The following KAZN variants were observed in gnomAD, a reference collection of about 807,000 sequenced individuals.
KAZN encodes the protein kazrin.
Under a neutral mutation model 87.4 loss-of-function variants are expected in KAZN, and 40 were observed. That is an observed-to-expected ratio of 0.46 (90% CI 0.36 to 0.60). KAZN has a LOEUF of 0.60. Ranked by LOEUF, KAZN falls within the 20% of genes least tolerant of loss-of-function variation. The pLI is 0.00. For synonymous variants in KAZN, 466 were observed against 458.3 expected (o/e 1.02, Z -0.22); for missense variants, 898 against 1,073.9 (o/e 0.84, Z 2.29).
chr1:13,956,267 G>T (rs1454284342), intron 1 of KAZN, among the ~76,000 whole-genome samples: 2 of 151,230 alleles, frequency 1.3e-5, no homozygotes, highest in African/African-American at 4.9e-5. Context: ...TAATTTTTAG[G>T]GATGTCTGTA....
intron 2 of KAZN, among the ~76,000 whole-genome samples, chr1:14,537,719 T>A (rs1557784838): frequency 6.6e-6 from 1 of 152,310 alleles, no homozygotes; most frequent in East Asian, 1.9e-4. Context: ...GGAAGAGCTG[T>A]TTGGATCTCA....
At chr1:14,684,470 C>T (rs1464317901) in intron 1 of KAZN, among the ~76,000 whole-genome samples, 1 of 152,174 alleles carries the variant, frequency 6.6e-6, no homozygotes, top group African/African-American at 2.4e-5. Flanking sequence ...GCTGCTGTGG[C>T]ACATCACCAC....
intron 8 of KAZN, among the ~76,000 whole-genome samples, chr1:15,070,489 C>A (rs1639457432): frequency 1.3e-5 from 2 of 152,156 alleles, no homozygotes. Flanking sequence ...GTAGTGCAGC[C>A]CCCAACACCT....
At chr1:14,167,586 C>T (rs1052460471) in intron 1 of KAZN, among the ~76,000 whole-genome samples, 1 of 152,054 alleles carries the variant, frequency 6.6e-6, no homozygotes, top group African/African-American at 2.4e-5. Flanking sequence ...AGCCAGGCAT[C>T]GTGGCAGACA....
chr1:14,634,014 A>T (rs181290030), intron 1 of KAZN, among the ~76,000 whole-genome samples: 1 of 152,112 alleles, frequency 6.6e-6, no homozygotes, highest in African/African-American at 2.4e-5. Context: ...TGAGGGTCTC[A>T]ATAGCAGGGT....
chr1:14,750,663 C>T (rs532184487), intron 1 of KAZN, among the ~76,000 whole-genome samples: 18 of 151,880 alleles, frequency 1.2e-4, no homozygotes, highest in African/African-American at 4.1e-4. Flanking sequence ...GCCTGAGGAC[C>T]TGAAAGAACT....
At chr1:14,512,891 C>G (rs947553538) in intron 2 of KAZN, among the ~76,000 whole-genome samples, 3 of 152,234 alleles carry the variant, frequency 2.0e-5, no homozygotes, top group African/African-American at 7.2e-5. Flanking sequence ...GACGATCAGG[C>G]CGGCTCTTCT....
intron 1 of KAZN, among the ~76,000 whole-genome samples, chr1:14,869,197 C>G (rs1281134805): frequency 6.6e-6 from 1 of 152,188 alleles, no homozygotes. Context: ...CCTGTCTTGA[C>G]CCTTCCAGTT....
intron 8 of KAZN, among the ~76,000 whole-genome samples, chr1:15,087,339 C>CT (rs77464357): frequency 6.1e-5 from 9 of 147,856 alleles, no homozygotes; most frequent in East Asian, 2.0e-4. Flanking sequence ...AATTTACATT[C>CT]TTTTTTTTTT....
chr1:14,709,131 C>G (rs1642361518), intron 1 of KAZN, among the ~76,000 whole-genome samples: 2 of 152,156 alleles, frequency 1.3e-5, no homozygotes, highest in South Asian at 4.1e-4. Context: ...CACCACCACC[C>G]TAACGGCACA....
intron 2 of KAZN, among the ~76,000 whole-genome samples, chr1:14,593,623 A>G (rs116458387): frequency 0.026 from 3,904 of 152,302 alleles, 74 homozygotes; most frequent in South Asian, 0.069. Context: ...TTATCTCTCA[A>G]ATCCTTCAGT....
At chr1:14,656,838 A>G (rs192850835) in intron 1 of KAZN, among the ~76,000 whole-genome samples, 5 of 152,316 alleles carry the variant, frequency 3.3e-5, no homozygotes, top group Admixed American at 3.3e-4. Flanking sequence ...GGAGATTACA[A>G]TTCAACAGGA....
intron 1 of KAZN, among the ~76,000 whole-genome samples, chr1:14,877,387 C>A (rs1361570284): frequency 6.6e-6 from 1 of 152,174 alleles, no homozygotes; most frequent in Non-Finnish European, 1.5e-5. Flanking sequence ...TATTTCTGAT[C>A]CAATCACAAT....
chr1:14,433,414 GGTTTGCTCTTACAGACTATTT>G (rs750665714), intron 2 of KAZN, among the ~76,000 whole-genome samples: 26 of 151,870 alleles, frequency 1.7e-4, no homozygotes, highest in Non-Finnish European at 2.6e-4. Flanking sequence ...TTTTTTTTGT[GGTTTGCTCTTACAGACTATTT>G]GTGTTCCTCC....
In KAZN at chr1:14,632,387, C is replaced by A. The variant is rs140597020; in HGVS notation, c.226+33164C>A. Among the ~76,000 whole-genome samples, 36 of 152,132 alleles carry A rather than the reference C, an allele frequency of 2.4e-4. No individual in the cohort carries two copies. The East Asian group carries it at 6.8e-3, about 29-fold the overall frequency. On this transcript the variant is annotated intron_variant, in intron 1 of 14. Transcript: ENST00000376030. ...ATCCTTCTGCTGTGGAAAGAATTAC[C>A]CTGCTGTCAACATGTCAACATCAGA... is the stretch of plus-strand genomic sequence containing the variant.
At chr1:14,479,892 G>A (rs1668972988) in intron 2 of KAZN, among the ~76,000 whole-genome samples, 1 of 151,966 alleles carries the variant, frequency 6.6e-6, no homozygotes, top group Non-Finnish European at 1.5e-5. Flanking sequence ...TGAAAAGTGT[G>A]GAGCATCTGT....
chr1:13,998,717 C>G (rs1639640606), intron 1 of KAZN, among the ~76,000 whole-genome samples: 1 of 151,910 alleles, frequency 6.6e-6, no homozygotes, highest in South Asian at 2.1e-4. Flanking sequence ...ATTCATAAAA[C>G]AAGTTCTTAG....
intron 1 of KAZN, among the ~76,000 whole-genome samples, chr1:14,046,352 T>G (rs1397973895): frequency 6.6e-6 from 1 of 152,236 alleles, no homozygotes; most frequent in Non-Finnish European, 1.5e-5. Flanking sequence ...TTTGTGGTTT[T>G]ATATCCATAT....
At chr1:13,915,611 C>T (rs1378927624) in intron 1 of KAZN, among the ~76,000 whole-genome samples, 2 of 152,208 alleles carry the variant, frequency 1.3e-5, no homozygotes, top group African/African-American at 4.8e-5. Context: ...CCTCAGCGCC[C>T]AGTTGCCCTC....
Sources: allele counts gnomAD v4.1 joint callset (sites outside exome capture counted in the v4.1 genomes callset), GRCh38; gene constraint gnomAD v4.1.1; transcripts MANE v1.5; gene names NCBI Gene and HGNC (gene_info 2026-07-23, HGNC 2026-07-21).